Variants in SLC12A1 observed in about 807,000 individuals in gnomAD.
The protein encoded by SLC12A1 is Na-K-2Cl cotransporter.
Under a neutral mutation model 130.4 loss-of-function variants are expected in SLC12A1, and 89 were observed. The observed-to-expected ratio is 0.68, with a 90% CI of 0.58 to 0.81. SLC12A1 has a LOEUF of 0.81. Among genes scored for constraint, SLC12A1 ranks in the 40% least tolerant of loss-of-function variants. The pLI is 0.00. For missense variants in SLC12A1, 1,310 were observed against 1,336.4 expected, an observed-to-expected ratio of 0.98 and a Z score of 0.31; for synonymous variants, 499 against 460.0, an observed-to-expected ratio of 1.08 and a Z score of -1.09.
chr15:48,285,926 T>C (rs2042051612), intron 21 of SLC12A1, among the ~76,000 whole-genome samples: 1 of 152,234 alleles, frequency 6.6e-6, no homozygotes, highest in Non-Finnish European at 1.5e-5. Flanking sequence ...AGGTCCACAG[T>C]GACCTCTGCT....
intron 12 of SLC12A1, 126 bp from the exon 13 acceptor site, chr15:48,247,210 CA>C: frequency 1.0e-6 from 1 of 976,280 alleles, no homozygotes; most frequent in Admixed American, 2.3e-5. Context: ...TGATAAACTG[CA>C]GTGTTAACTT....
At chr15:48,228,064 C>T (rs2041315332) in intron 5 of SLC12A1, 1 of 152,106 alleles carries the variant, frequency 6.6e-6, no homozygotes, top group African/African-American at 2.4e-5. Context: ...TTTGTTTTGT[C>T]TTTAGGTATG....
chr15:48,253,178 CT>C (rs1262902795), intron 15 of SLC12A1, among the ~76,000 whole-genome samples: 1 of 152,158 alleles, frequency 6.6e-6, no homozygotes, highest in African/African-American at 2.4e-5. Flanking sequence ...GCTTTTATGA[CT>C]TTACCTATTG....
At chr15:48,271,117 C>T (rs1164596461) in intron 19 of SLC12A1, among the ~76,000 whole-genome samples, 1 of 151,772 alleles carries the variant, frequency 6.6e-6, no homozygotes, top group African/African-American at 2.4e-5. Context: ...GAGGCTGAGG[C>T]AGGAGAATTA....
intron 24 of SLC12A1, among the ~76,000 whole-genome samples, chr15:48,297,981 C>T (rs1566861106): frequency 6.6e-6 from 1 of 152,172 alleles, no homozygotes; most frequent in African/African-American, 2.4e-5. Flanking sequence ...TCTTTGCCTA[C>T]CTTTCTAAAT....
At chr15:48,246,865 T>C (rs1354774979) in intron 11 of SLC12A1, 44 bp from the exon 12 acceptor site, 1 of 1,328,814 alleles carries the variant, frequency 7.5e-7, no homozygotes, top group Non-Finnish European at 1.1e-6. Context: ...TGAAACAGAT[T>C]CCAAATCACA....
At chr15:48,271,535 A>G (rs770835579) in intron 19 of SLC12A1, among the ~76,000 whole-genome samples, 63 of 135,922 alleles carry the variant, frequency 4.6e-4, no homozygotes, top group Non-Finnish European at 7.8e-4. Context: ...TTTATGCAAC[A>G]TATTAACAAA....
chr15:48,270,777 T>TATATTTATACACAC (rs2041887905), intron 19 of SLC12A1, among the ~76,000 whole-genome samples: 4 of 54,046 alleles, frequency 7.4e-5, no homozygotes, highest in Non-Finnish European at 1.2e-4. Context: ...TATATATATA[T>TATATTTATACACAC]ATATATATAC....
intron 25 of SLC12A1, among the ~76,000 whole-genome samples, chr15:48,301,066 C>A (rs994377405): frequency 1.3e-5 from 2 of 152,138 alleles, no homozygotes; most frequent in African/African-American, 4.8e-5. Flanking sequence ...TTGTTTGCTT[C>A]CCCTCTCCCT....
chr15:48,208,297 GAA>G (rs1434183346), intron 2 of SLC12A1, among the ~76,000 whole-genome samples, 158 bp downstream of exon 2: 2 of 151,980 alleles, frequency 1.3e-5, no homozygotes, highest in African/African-American at 4.8e-5. Context: ...CTAGTTCCCA[GAA>G]AAGTGTTTCA....
intron 7 of SLC12A1, among the ~76,000 whole-genome samples, chr15:48,232,511 G>A (rs180892903): frequency 2.6e-5 from 4 of 152,282 alleles, no homozygotes; most frequent in Non-Finnish European, 2.9e-5. Context: ...GCCCAAACAC[G>A]TGTGCCATTA....
At chr15:48,302,410 G>A (rs1265852311) in intron 26 of SLC12A1, among the ~76,000 whole-genome samples, 1 of 151,518 alleles carries the variant, frequency 6.6e-6, no homozygotes, top group East Asian at 1.9e-4. Flanking sequence ...CATGAGGTCA[G>A]GAGATCGAGA....
At chr15:48,206,801 C>CT (rs923029656) in intron 1 of SLC12A1, among the ~76,000 whole-genome samples, 6 of 151,818 alleles carry the variant, frequency 4.0e-5, no homozygotes, top group Non-Finnish European at 2.9e-5. Context: ...TAGCAGAGGA[C>CT]TTTTTTAAGG....
chr15:48,294,415 C>T (rs1011783785), intron 24 of SLC12A1, among the ~76,000 whole-genome samples: 3 of 151,342 alleles, frequency 2.0e-5, no homozygotes, highest in South Asian at 2.1e-4. Context: ...AAGCTATAAT[C>T]GACAGTGTTA....
At chr15:48,231,406 A>G (rs1251559423) in intron 7 of SLC12A1, among the ~76,000 whole-genome samples, 1 of 152,242 alleles carries the variant, frequency 6.6e-6, no homozygotes, top group Non-Finnish European at 1.5e-5. Flanking sequence ...CTGTGATGAA[A>G]AAACACAGAA....
At position 48,229,306 on chromosome 15, in the gene SLC12A1, A is replaced by G. The variant is rs1203755598; in HGVS notation, c.842A>G (p.Glu281Gly). Residue 281 changes from glutamate to glycine, a missense_variant, in exon 6 of 27, where the codon GAG becomes GGG. Coordinates refer to ENST00000380993, the MANE Select transcript of SLC12A1 (RefSeq NM_000338.3). ...GCTATGTATGTGGTGGGATTTGCTG[A>G]GACTGTAGTAGATCTTCTTAAGGTA... ...AVAMYVVGFA[E>G]TVVDLLKESD... The G allele has an allele frequency of 1.9e-6, 3 of 1,602,906 alleles. No homozygotes were observed. The highest frequency in any genetic ancestry group is 2.6e-6 in the Non-Finnish European group (3 of 1,174,250).
At chr15:48,213,547 G>A (rs1196103805) in intron 2 of SLC12A1, among the ~76,000 whole-genome samples, 1 of 140,456 alleles carries the variant, frequency 7.1e-6, no homozygotes, top group East Asian at 2.2e-4. Context: ...TCTGTCACCC[G>A]GGCTAGAGTG....
chr15:48,219,390 T>C (rs1030297830), intron 2 of SLC12A1, among the ~76,000 whole-genome samples: 7 of 152,038 alleles, frequency 4.6e-5, no homozygotes, highest in Non-Finnish European at 8.8e-5. Flanking sequence ...GCCCCGTCTC[T>C]ACTAAAAATA....
At chr15:48,254,188 G>C (rs988289926) in intron 15 of SLC12A1, among the ~76,000 whole-genome samples, 3 of 148,500 alleles carry the variant, frequency 2.0e-5, no homozygotes, top group Non-Finnish European at 2.9e-5. Context: ...TATTGCATCT[G>C]ATCTAAGGTA....
Sources: allele counts gnomAD v4.1 joint callset (sites outside exome capture counted in the v4.1 genomes callset), GRCh38; gene constraint gnomAD v4.1.1; transcripts MANE v1.5; gene names NCBI Gene and HGNC (gene_info 2026-07-23, HGNC 2026-07-21).